The following NRAP variants were observed in gnomAD, a reference collection of about 807,000 sequenced individuals.
NRAP encodes nebulin related anchoring protein.
Under a neutral mutation model 225.9 loss-of-function variants are expected in NRAP, and 189 were observed. The ratio of observed to expected loss-of-function variants is 0.84; its 90% CI spans 0.74 to 0.94. The LOEUF (loss-of-function observed/expected upper bound fraction) is 0.94. Among genes scored for constraint, NRAP ranks in the 40% least tolerant of loss-of-function variants. The probability of loss-of-function intolerance (pLI) is 0.00; values close to 1 mark genes in which losing one functional copy is unlikely to be tolerated. For synonymous variants in NRAP, 769 were observed against 790.7 expected (o/e 0.97, Z 0.46); for missense variants, 2,176 against 2,168.7 (o/e 1.00, Z -0.07).
Position 113,608,489 on chromosome 10 carries a change from G to C in NRAP, c.3627C>G (p.His1209Gln). ...CTGTCACAGCTGTGTACTTGAATGA[G>C]TGGGGATGCTGCCGATATTTACTCT... ...ISESKYRQHP[H>Q]SFKYTAVTDT... Residue 1209 changes from histidine (H) to glutamine (Q), a missense_variant, in exon 32 of 42, where the codon CAC becomes CAG. His to Gln is a conservative substitution (Grantham distance 24, BLOSUM62 0). Coordinates refer to ENST00000359988, the MANE Select transcript of NRAP (RefSeq NM_198060.4). The C allele has an allele frequency of 6.2e-7, 1 of 1,612,514 alleles. No individual in the cohort carries two copies. Among genetic ancestry groups the C allele is most frequent in the Non-Finnish European group, 8.5e-7 (1 of 1,178,802 alleles).
intron 20 of NRAP, 87 bp downstream of exon 20, chr10:113,628,830 T>C: frequency 2.8e-6 from 2 of 726,388 alleles, no homozygotes; most frequent in Admixed American, 2.5e-5. Flanking sequence ...AATCTGAGGA[T>C]AGAGAAAGGG....
intron 22 of NRAP, 148 bp from the exon 23 acceptor site, chr10:113,623,784 G>T (rs867554709): frequency 1.6e-6 from 1 of 610,948 alleles, no homozygotes; most frequent in Middle Eastern, 3.5e-4. Context: ...CATGTAGTCT[G>T]AATACAGCCA....
intron 4 of NRAP, among the ~76,000 whole-genome samples, chr10:113,654,355 A>G (rs1319945870): frequency 6.6e-6 from 1 of 152,230 alleles, no homozygotes; most frequent in Non-Finnish European, 1.5e-5. Context: ...TGAATGTAAC[A>G]ACATTTTCTT....
intron 29 of NRAP, among the ~76,000 whole-genome samples, chr10:113,613,338 G>A (rs1564715391): frequency 6.6e-6 from 1 of 152,192 alleles, no homozygotes; most frequent in Non-Finnish European, 1.5e-5. Context: ...GACCATGAGA[G>A]GTAGAGCTGG....
Position 113,605,823 on chromosome 10 carries a change from T to C in NRAP, c.3854A>G (p.Lys1285Arg). The C allele has an allele frequency of 6.2e-7, 1 of 1,614,218 alleles. No homozygotes were observed. The highest frequency in any genetic ancestry group is 8.5e-7 in the Non-Finnish European group (1 of 1,180,022). The change falls in exon 34 of 42, where the codon AAG becomes AGG. Residue 1285 changes from lysine to arginine, a missense_variant. Physicochemically the swap from Lys to Arg is conservative, Grantham distance 26. This residue lies in a region of NRAP where 1,708 missense variants were observed against 1,695.5 expected (regional missense o/e 1.01). Coordinates refer to ENST00000359988, the MANE Select transcript of NRAP (RefSeq NM_198060.4). ...GAAGGGGAGCGCTTCTATTGTCAGC[T>C]TGTAGCCTTGAGCACGAAGATTACG... ...SWRNLRAQGY[K>R]LTIEALPFQA...
rs1845836984 is a variant in NRAP, at chr10:113,589,731, C to CTT, written c.5021_5022dup (p.Val1675LysfsTer39). The CTT allele has an allele frequency of 1.2e-6, 2 of 1,614,072 alleles. No homozygotes were observed. The highest frequency in any genetic ancestry group is 1.7e-6 in the Non-Finnish European group (2 of 1,180,044). ...TCCGCAGCCCGCCGAGCCATTTCCACTTTGTAGGAGCCAGGAGGGGTCCAG... is the reference window on the plus strand; with the variant it reads ...TCCGCAGCCCGCCGAGCCATTTCCACTTTTTGTAGGAGCCAGGAGGGGTCCAG... On this transcript the variant is annotated frameshift_variant, in exon 41 of 42. Coordinates refer to ENST00000359988, the MANE Select transcript of NRAP (RefSeq NM_198060.4). LOFTEE classifies it high-confidence loss of function.
Position 113,623,612 on chromosome 10 carries a change from T to G in NRAP, c.2374A>C (p.Asn792His), listed in dbSNP as rs746590258. 8 of 1,613,826 alleles carry G rather than the reference T, an allele frequency of 5.0e-6. No individual in the cohort carries two copies. The Admixed American group carries it at 1.0e-4, about 20-fold the overall frequency. The change falls in exon 23 of 42, where the codon AAC becomes CAC. Residue 792 changes from asparagine to histidine, a missense_variant. Physicochemically the swap from Asn to His is moderately conservative, Grantham distance 68 (BLOSUM62 1). This residue lies in a region of NRAP where 1,708 missense variants were observed against 1,695.5 expected (regional missense o/e 1.01). Coordinates refer to ENST00000359988, the MANE Select transcript of NRAP (RefSeq NM_198060.4). ...AGCTCAAACCCTTTTGCTTTCTGGTTTTCCCAGCTGCTCTTATACAGTTTC... is the reference window on the plus strand; with the variant it reads ...AGCTCAAACCCTTTTGCTTTCTGGTGTTCCCAGCTGCTCTTATACAGTTTC... ...SEKLYKSSWE[N>H]QKAKGFELRL...
chr10:113,640,554 A>G (rs1849143835), intron 13 of NRAP, among the ~76,000 whole-genome samples: 2 of 152,194 alleles, frequency 1.3e-5, no homozygotes, highest in South Asian at 4.1e-4. Context: ...CATTTACTTT[A>G]TATTTCATAT....
rs1846831808 is a variant in NRAP at position 113,604,750 on chromosome 10, G to A, written c.4086C>T (p.Asp1362=). 6.2e-7 allele frequency: 1 copy of A among 1,614,214 alleles called. No homozygotes were observed. The highest frequency in any genetic ancestry group is 1.7e-5 in the Admixed American group (1 of 60,034). The change falls in exon 35 of 42, where the codon GAC becomes GAT. Residue 1362 remains aspartate (D), a synonymous_variant. Coordinates refer to ENST00000359988, the MANE Select transcript of NRAP (RefSeq NM_198060.4). Reference sequence around the variant, plus strand: ...TCTTGGCATGGACCAGGTGCACCATGTCCATGGGCAGATGGAACTGGGCTT... The same window carrying A: ...TCTTGGCATGGACCAGGTGCACCATATCCATGGGCAGATGGAACTGGGCTT... ...SSQAQFHLPM[D]MVHLVHAKNA...
At chr10:113,638,511 C>A (rs944220038) in intron 14 of NRAP, among the ~76,000 whole-genome samples, 1 of 152,076 alleles carries the variant, frequency 6.6e-6, no homozygotes, top group African/African-American at 2.4e-5. Context: ...TAAATGGATT[C>A]CCCAAACTTC....
intron 28 of NRAP, 54 bp downstream of exon 28, chr10:113,614,785 A>G (rs992034906): frequency 2.9e-6 from 3 of 1,039,454 alleles, no homozygotes; most frequent in African/African-American, 1.6e-5. Flanking sequence ...GGGCAAAAGG[A>G]GTGAAAACGG....
intron 34 of NRAP, 112 bp downstream of exon 34, chr10:113,605,649 CT>C: frequency 1.4e-6 from 1 of 720,288 alleles, no homozygotes; most frequent in Non-Finnish European, 2.5e-6. Flanking sequence ...AGGTGACATC[CT>C]GTCTCACATG....
At chr10:113,605,953 T>C (rs1846936074) in intron 33 of NRAP, 84 bp from the exon 34 acceptor site, 2 of 1,011,340 alleles carry the variant, frequency 2.0e-6, no homozygotes, top group Admixed American at 3.6e-5. Flanking sequence ...TATAGCACAG[T>C]GTTCCAGAAT....
chr10:113,616,812 G>C (rs911817593), intron 26 of NRAP, among the ~76,000 whole-genome samples: 33 of 152,312 alleles, frequency 2.2e-4, no homozygotes, highest in African/African-American at 7.9e-4. Flanking sequence ...GTATCTCTTA[G>C]CAGAATCAGC....
chr10:113,617,353 A>G (rs1252813028), intron 26 of NRAP, 102 bp downstream of exon 26: 6 of 759,502 alleles, frequency 7.9e-6, no homozygotes, highest in Non-Finnish European at 1.4e-5. Flanking sequence ...CTTCATCCTT[A>G]GGACAACAGA....
In NRAP at chr10:113,595,689, T is replaced by C; in HGVS notation, c.4470A>G (p.Arg1490=). The C allele has an allele frequency of 6.2e-7, 1 of 1,613,904 alleles. No homozygotes were observed. The highest frequency in any genetic ancestry group is 8.5e-7 in the Non-Finnish European group (1 of 1,179,784). ...CGGGATGGTCGGGGATCAGGGTGTATCTGTGCAGGGATTCTGCATCTCCAG... is the reference window on the plus strand; with the variant it reads ...CGGGATGGTCGGGGATCAGGGTGTACCTGTGCAGGGATTCTGCATCTCCAG... The part of the protein sequence containing the change: ...YRSGDAESLH[R]YTLIPDHPDF... The change falls in exon 38 of 42, where the codon AGA becomes AGG. Residue 1490 remains arginine, a synonymous_variant. Transcript: ENST00000359988.
At position 113,624,937 on chromosome 10, in the gene NRAP, G is replaced by A. The variant is rs909060132; in HGVS notation, c.2245-7C>T. The A allele has an allele frequency of 6.3e-7, 1 of 1,599,112 alleles. No homozygotes were observed. The highest frequency in any genetic ancestry group is 8.6e-7 in the Non-Finnish European group (1 of 1,166,474). ...TTCCTGCCTTGTAGGCCACCTGTTGGGAAAGAGCACTGAGTCAGGAGCAGG... is the reference window on the plus strand; with the variant it reads ...TTCCTGCCTTGTAGGCCACCTGTTGAGAAAGAGCACTGAGTCAGGAGCAGG... On this transcript the variant is annotated splice_polypyrimidine_tract_variant and splice_region_variant and intron_variant, in intron 21 of 41. Transcript: ENST00000359988.
At chr10:113,614,108 T>G (rs1250800202) in intron 29 of NRAP, 75 bp downstream of exon 29, 43 of 918,128 alleles carry the variant, frequency 4.7e-5, no homozygotes, top group Non-Finnish European at 6.6e-5. Flanking sequence ...GAAGGACAAA[T>G]GAGGTTAGGT....
At chr10:113,647,105 G>T in intron 9 of NRAP, 78 bp from the exon 10 acceptor site, 1 of 879,294 alleles carries the variant, frequency 1.1e-6, no homozygotes, top group Non-Finnish European at 1.9e-6. Flanking sequence ...GTCACTCATA[G>T]AGCCTATTCT....
Sources: gnomAD v4.1 joint callset for allele counts (sites outside exome capture counted in the v4.1 genomes callset) on GRCh38, gnomAD v4.1.1 for gene constraint, gnomAD v4.1.1 regional missense constraint, MANE v1.5 for transcripts, NCBI Gene and HGNC (gene_info 2026-07-23, HGNC 2026-07-21) for gene names.